PTPRN2: variants seen among roughly 807,000 people sequenced by gnomAD.
The protein encoded by PTPRN2 is protein tyrosine phosphatase receptor type N2, also known as receptor-type tyrosine-protein phosphatase N2.
PTPRN2 carries 74 observed loss-of-function variants against 118.8 expected under a neutral mutation model. That is an observed-to-expected ratio of 0.62 (90% CI 0.52 to 0.76). The LOEUF is 0.76. Among genes scored for constraint, PTPRN2 ranks in the 30% least tolerant of loss-of-function variants. The pLI is 0.00. For synonymous variants in PTPRN2, 641 were observed against 608.0 expected (o/e 1.05, Z -0.80); for missense variants, 1,481 against 1,394.4 (o/e 1.06, Z -0.99).
intron 3 of PTPRN2, among the ~76,000 whole-genome samples, chr7:158,232,383 A>G (rs548491027): frequency 5.0e-4 from 76 of 152,286 alleles, no homozygotes; most frequent in Non-Finnish European, 1.0e-3. Flanking sequence ...GGACACTACC[A>G]AGATTGAACC....
At chr7:157,656,938 CCA>C (rs1806170073) in intron 13 of PTPRN2, among the ~76,000 whole-genome samples, 2 of 128,052 alleles carry the variant, frequency 1.6e-5, no homozygotes, top group Non-Finnish European at 3.3e-5. Flanking sequence ...CACACACACA[CCA>C]CACACATCAC....
rs528206061 is a variant in PTPRN2 at position 158,482,716 on chromosome 7, C to T, written c.163+7019G>A. Among the ~76,000 whole-genome samples, 3 of 152,290 alleles carry T rather than the reference C, an allele frequency of 2.0e-5. No homozygotes were observed. The South Asian group carries it at 6.2e-4, about 32-fold the overall frequency. The stretch of plus-strand genomic sequence containing the variant: ...ATTGAACCCACAATATCTCCGAGGT[C>T]TGCCTGTAGATGCTAAATCAGTGGT... On this transcript the variant is annotated intron_variant, in intron 2 of 22. Transcript: ENST00000389418.
At chr7:158,006,656 G>A (rs935484449) in intron 11 of PTPRN2, among the ~76,000 whole-genome samples, 1 of 152,182 alleles carries the variant, frequency 6.6e-6, no homozygotes, top group South Asian at 2.1e-4. Flanking sequence ...GGAGATAGAT[G>A]CCAGGGCTTG....
At chr7:158,397,998 T>C (rs963808345) in intron 2 of PTPRN2, among the ~76,000 whole-genome samples, 1 of 151,856 alleles carries the variant, frequency 6.6e-6, no homozygotes, top group Non-Finnish European at 1.5e-5. Context: ...AGCAGGGAAA[T>C]GAGAGGATGA....
At chr7:157,843,687 A>G (rs984354468) in intron 12 of PTPRN2, among the ~76,000 whole-genome samples, 2 of 152,218 alleles carry the variant, frequency 1.3e-5, no homozygotes, top group African/African-American at 2.4e-5. Context: ...ACATTAACCT[A>G]CGCAACTCTC....
intron 12 of PTPRN2, among the ~76,000 whole-genome samples, chr7:157,888,487 C>CT (rs1336380219): frequency 6.6e-6 from 1 of 152,150 alleles, no homozygotes; most frequent in African/African-American, 2.4e-5. Flanking sequence ...CAAGCTCCTG[C>CT]TCCAGGGGCC....
intron 1 of PTPRN2, among the ~76,000 whole-genome samples, chr7:158,584,637 G>A (rs935431154): frequency 6.6e-6 from 1 of 152,170 alleles, no homozygotes; most frequent in African/African-American, 2.4e-5. Context: ...GTGGGTGATG[G>A]GAGGGCAGGA....
chr7:158,239,218 G>A (rs1795756971), intron 3 of PTPRN2, among the ~76,000 whole-genome samples: 1 of 152,204 alleles, frequency 6.6e-6, no homozygotes. Flanking sequence ...AACCTCAGGA[G>A]GGTAAAACCC....
At chr7:157,814,720 T>G (rs1168491023) in intron 12 of PTPRN2, among the ~76,000 whole-genome samples, 1 of 152,134 alleles carries the variant, frequency 6.6e-6, no homozygotes. Context: ...GAACACAGAG[T>G]GATGGGGCCC....
intron 11 of PTPRN2, among the ~76,000 whole-genome samples, chr7:157,933,987 G>A (rs1799555215): frequency 6.6e-6 from 1 of 152,160 alleles, no homozygotes; most frequent in South Asian, 2.1e-4. Flanking sequence ...TTTTAAAGTA[G>A]GGGTGAGTCA....
At chr7:157,739,190 C>G (rs1345926416) in intron 12 of PTPRN2, 1 of 152,220 alleles carries the variant, frequency 6.6e-6, no homozygotes, top group African/African-American at 2.4e-5. Context: ...CCTCCATGTT[C>G]CGGAGATTAA....
intron 14 of PTPRN2, among the ~76,000 whole-genome samples, chr7:157,636,557 C>T (rs1028307013): frequency 2.8e-4 from 43 of 152,180 alleles, no homozygotes; most frequent in African/African-American, 9.2e-4. Flanking sequence ...AATGTCTACC[C>T]ATATATTTCT....
intron 15 of PTPRN2, among the ~76,000 whole-genome samples, chr7:157,620,693 G>A (rs902054623): frequency 1.3e-5 from 2 of 152,320 alleles, no homozygotes; most frequent in South Asian, 2.1e-4. Flanking sequence ...CCCCAGGCCC[G>A]TGCTGGAGGA....
intron 2 of PTPRN2, among the ~76,000 whole-genome samples, chr7:158,431,455 C>CTG (rs151148859): frequency 2.5e-4 from 35 of 139,898 alleles, no homozygotes; most frequent in East Asian, 1.8e-3. Flanking sequence ...CTGCCTCACA[C>CTG]GACACACACT....
intron 1 of PTPRN2, among the ~76,000 whole-genome samples, chr7:158,516,911 G>A (rs1471267950): frequency 6.6e-6 from 1 of 152,072 alleles, no homozygotes; most frequent in African/African-American, 2.4e-5. Context: ...TGCTGTTCTT[G>A]GTGTTTCTGC....
chr7:158,559,246 G>A (rs1783976009), intron 1 of PTPRN2, among the ~76,000 whole-genome samples: 1 of 152,164 alleles, frequency 6.6e-6, no homozygotes, highest in South Asian at 2.1e-4. Context: ...ATTACACAAT[G>A]TTTTCTTAAA....
At chr7:158,008,904 T>A (rs1805849511) in intron 11 of PTPRN2, among the ~76,000 whole-genome samples, 1 of 152,230 alleles carries the variant, frequency 6.6e-6, no homozygotes, top group African/African-American at 2.4e-5. Context: ...ACTGTTCAAT[T>A]TTATCACGTT....
chr7:157,718,809 T>TCCATGGCCCCAGGG (rs1431134284), intron 12 of PTPRN2, among the ~76,000 whole-genome samples: 1 of 152,162 alleles, frequency 6.6e-6, no homozygotes, highest in East Asian at 1.9e-4. Flanking sequence ...GCAGCCACTC[T>TCCATGGCCCCAGGG]TGGTTTCTCA....
At chr7:157,766,782 G>A (rs1802512575) in intron 12 of PTPRN2, among the ~76,000 whole-genome samples, 2 of 152,236 alleles carry the variant, frequency 1.3e-5, no homozygotes, top group South Asian at 4.1e-4. Context: ...GGCTGGGTGA[G>A]ACACAGGGCC....
Sources: gnomAD v4.1 joint callset for allele counts (sites outside exome capture counted in the v4.1 genomes callset) on GRCh38, gnomAD v4.1.1 for gene constraint, MANE v1.5 for transcripts, NCBI Gene and HGNC (gene_info 2026-07-23, HGNC 2026-07-21) for gene names.